Variants in AKAP19 observed in about 807,000 individuals in gnomAD.
The protein encoded by AKAP19 is A-kinase anchoring protein 19.
the AKAP19 span, among the ~76,000 whole-genome samples, chr2:190,114,857 G>A: frequency 3.3e-5 from 5 of 151,960 alleles, no homozygotes; most frequent in Middle Eastern, 0.01. Flanking sequence ...TGCCTAATTT[G>A]TATTTTTTTA....
the AKAP19 span, among the ~76,000 whole-genome samples, chr2:190,192,607 A>G: frequency 6.6e-6 from 1 of 151,994 alleles, no homozygotes; most frequent in African/African-American, 2.4e-5. Context: ...TATACATGTT[A>G]ATTTGGGGAG....
the AKAP19 span, among the ~76,000 whole-genome samples, chr2:190,030,215 G>A: frequency 2.0e-5 from 3 of 152,050 alleles, no homozygotes; most frequent in African/African-American, 7.3e-5. Flanking sequence ...GGTTTTTATA[G>A]CTCTTCCCCA....
the AKAP19 span, among the ~76,000 whole-genome samples, chr2:190,171,045 C>A: frequency 6.6e-6 from 1 of 152,028 alleles, no homozygotes; most frequent in Non-Finnish European, 1.5e-5. Flanking sequence ...GTGGCTAGTC[C>A]TTTAAATTGA....
the AKAP19 span, among the ~76,000 whole-genome samples, chr2:189,987,003 G>C: frequency 1.2e-4 from 18 of 152,056 alleles, no homozygotes; most frequent in Non-Finnish European, 2.4e-4. Flanking sequence ...AAAAAACCCC[G>C]TAAAACTTTG....
the AKAP19 span, among the ~76,000 whole-genome samples, chr2:190,064,601 A>G: frequency 6.6e-6 from 1 of 152,302 alleles, no homozygotes; most frequent in East Asian, 1.9e-4. Flanking sequence ...ATGCATGTAA[A>G]TTGCTGAATA....
At chr2:190,168,479 A>C in the AKAP19 span, among the ~76,000 whole-genome samples, 2 of 151,852 alleles carry the variant, frequency 1.3e-5, no homozygotes, top group Non-Finnish European at 2.9e-5. Context: ...TACTTATACA[A>C]ATTTCTGCAG....
At chr2:190,059,565 C>T in the AKAP19 span, among the ~76,000 whole-genome samples, 2 of 151,638 alleles carry the variant, frequency 1.3e-5, no homozygotes, top group Non-Finnish European at 2.9e-5. Flanking sequence ...AAAGTATAAG[C>T]CTATAAATAT....
At chr2:189,957,745 A>T in the AKAP19 span, among the ~76,000 whole-genome samples, 1 of 152,198 alleles carries the variant, frequency 6.6e-6, no homozygotes, top group African/African-American at 2.4e-5. Flanking sequence ...TGAGTAGCAT[A>T]CATTAAAATT....
the AKAP19 span, among the ~76,000 whole-genome samples, chr2:190,194,618 T>C: frequency 6.6e-6 from 1 of 152,118 alleles, no homozygotes; most frequent in African/African-American, 2.4e-5. Flanking sequence ...GACAAATGTA[T>C]GACAGAAATC....
the AKAP19 span, among the ~76,000 whole-genome samples, chr2:189,955,334 A>T: frequency 2.0e-5 from 3 of 152,028 alleles, 1 homozygote; most frequent in South Asian, 4.1e-4. Flanking sequence ...TATGGTATAT[A>T]TGTATACCAT....
chr2:189,880,964 C>T, the AKAP19 span, among the ~76,000 whole-genome samples: 1 of 152,138 alleles, frequency 6.6e-6, no homozygotes, highest in African/African-American at 2.4e-5. Context: ...GGTGAGCCAA[C>T]TAATTTTACA....
the AKAP19 span, among the ~76,000 whole-genome samples, chr2:190,067,087 CT>C: frequency 6.6e-6 from 1 of 152,010 alleles, no homozygotes; most frequent in Non-Finnish European, 1.5e-5. Context: ...TCCCCCAAAT[CT>C]TTTTTTGTGT....
chr2:190,114,197 T>C, the AKAP19 span, among the ~76,000 whole-genome samples: 1 of 152,200 alleles, frequency 6.6e-6, no homozygotes, highest in Non-Finnish European at 1.5e-5. Flanking sequence ...TTGTGTCATT[T>C]AGCATTTTAA....
the AKAP19 span, among the ~76,000 whole-genome samples, chr2:189,903,113 A>G: frequency 1.3e-5 from 2 of 151,928 alleles, no homozygotes; most frequent in African/African-American, 2.4e-5. Flanking sequence ...ATAAATGGAA[A>G]ATCAGAGAGT....
chr2:190,011,673 T>G, the AKAP19 span, among the ~76,000 whole-genome samples: 1 of 152,218 alleles, frequency 6.6e-6, no homozygotes, highest in South Asian at 2.1e-4. Flanking sequence ...TCTGACATCA[T>G]TTATTGAAGA....
chr2:190,004,668 ATT>A, the AKAP19 span, among the ~76,000 whole-genome samples: 1 of 151,606 alleles, frequency 6.6e-6, no homozygotes, highest in Non-Finnish European at 1.5e-5. Flanking sequence ...CATTATAATC[ATT>A]TTGAGTTTCA....
the AKAP19 span, chr2:190,180,417 A>G: frequency 1.0e-6 from 1 of 955,212 alleles, no homozygotes; most frequent in Non-Finnish European, 1.2e-6. This position sits in a 1 kb window ranked among gnomAD's most constrained non-coding sequence, Gnocchi z 6.8. Context: ...GGAGCTCAGG[A>G]GAGTTCGCAG....
At chr2:189,888,207 G>A in the AKAP19 span, among the ~76,000 whole-genome samples, 3 of 152,142 alleles carry the variant, frequency 2.0e-5, no homozygotes, top group African/African-American at 4.8e-5. Flanking sequence ...TTTTAAATAG[G>A]GAATCCTTTT....
the AKAP19 span, among the ~76,000 whole-genome samples, chr2:190,136,759 C>A: frequency 2.6e-5 from 4 of 151,852 alleles, no homozygotes; most frequent in Non-Finnish European, 4.4e-5. Context: ...TCTTTTCTGG[C>A]AAATAGAATA....
Sources: gnomAD v4.1 joint callset for allele counts (sites outside exome capture counted in the v4.1 genomes callset) on GRCh38, gnomAD v4.1.1 for gene constraint, Gnocchi (gnomAD v3.1) non-coding constraint, MANE v1.5 for transcripts, NCBI Gene and HGNC (gene_info 2026-07-23, HGNC 2026-07-21) for gene names.